Variants in ELP3 observed in about 807,000 individuals in gnomAD.
The protein encoded by ELP3 is elongator acetyltransferase complex subunit 3.
In ELP3, 56 loss-of-function variants were observed where a neutral mutation model predicts 74.9. That is an observed-to-expected ratio of 0.75 (90% CI 0.60 to 0.93). ELP3 has a LOEUF of 0.93. Among genes scored for constraint, ELP3 ranks in the 40% least tolerant of loss-of-function variants. The pLI is 0.00. For synonymous variants in ELP3, 222 were observed against 239.8 expected (o/e 0.93, Z 0.68); for missense variants, 573 against 686.5 (o/e 0.83, Z 1.85).
chr8:28,183,327 C>G, intron 14 of ELP3: 1 of 435,202 alleles, frequency 2.3e-6, no homozygotes, highest in East Asian at 7.0e-5. Flanking sequence ...AAATATTTAT[C>G]CTGCCTACAG....
intron 8 of ELP3, among the ~76,000 whole-genome samples, chr8:28,130,388 T>G (rs1812743492): frequency 6.6e-6 from 1 of 152,090 alleles, no homozygotes; most frequent in Non-Finnish European, 1.5e-5. Flanking sequence ...TAGGTGTGAT[T>G]GGTGTTGTGC....
At chr8:28,154,550 T>C (rs1216452182) in intron 10 of ELP3, among the ~76,000 whole-genome samples, 1 of 152,182 alleles carries the variant, frequency 6.6e-6, no homozygotes, top group Non-Finnish European at 1.5e-5. Flanking sequence ...TAATAATTTA[T>C]ATATTTGTGA....
intron 8 of ELP3, among the ~76,000 whole-genome samples, chr8:28,131,387 C>T (rs142214858): frequency 0.011 from 1,686 of 152,282 alleles, 119 homozygotes; most frequent in Admixed American, 0.098. Context: ...TAGTGGCTGT[C>T]ATTTTAAATA....
chr8:28,128,914 A>G (rs1812686202), intron 7 of ELP3, among the ~76,000 whole-genome samples: 1 of 152,250 alleles, frequency 6.6e-6, no homozygotes, highest in Non-Finnish European at 1.5e-5. Flanking sequence ...TGATTTTAGT[A>G]AAAGACAAAA....
intron 14 of ELP3, among the ~76,000 whole-genome samples, chr8:28,178,638 T>TA (rs1329779633): frequency 1.3e-5 from 2 of 152,218 alleles, no homozygotes; most frequent in Non-Finnish European, 2.9e-5. Context: ...TTGGGACACA[T>TA]AAGGACATAT....
chr8:28,119,331 C>T (rs1468549278), intron 7 of ELP3, among the ~76,000 whole-genome samples: 1 of 151,884 alleles, frequency 6.6e-6, no homozygotes, highest in East Asian at 1.9e-4. Flanking sequence ...CATCCACATA[C>T]CCATCACCTA....
At chr8:28,132,165 C>G (rs1055684926) in intron 8 of ELP3, 113 bp from the exon 9 acceptor site, 2 of 1,158,906 alleles carry the variant, frequency 1.7e-6, no homozygotes, top group African/African-American at 3.1e-5. Flanking sequence ...TTACCTGTCT[C>G]AGAGATTGTT....
At chr8:28,175,968 C>T (rs1178228520) in intron 14 of ELP3, among the ~76,000 whole-genome samples, 1 of 151,912 alleles carries the variant, frequency 6.6e-6, no homozygotes, top group Non-Finnish European at 1.5e-5. Context: ...GCATGTGCCA[C>T]CAGGCCTGGC....
chr8:28,165,368 G>A lies in ELP3; in HGVS notation c.1567+3290G>A, dbSNP rs1214147171. Among the ~76,000 whole-genome samples the A allele has an allele frequency of 2.6e-5, 4 of 152,258 alleles. No individual in the cohort carries two copies. The South Asian group carries it at 6.2e-4, about 24-fold the overall frequency. Reference sequence around the variant, plus strand: ...TTGGGTGTTTGCTGATGAAAATGGCGATAGTTTCCCATAGGTAGTTAATCC... The same window carrying A: ...TTGGGTGTTTGCTGATGAAAATGGCAATAGTTTCCCATAGGTAGTTAATCC... On this transcript the variant is annotated intron_variant, in intron 14 of 14. Transcript: ENST00000256398.
chr8:28,159,903 G>C (rs934813948), intron 12 of ELP3, among the ~76,000 whole-genome samples: 1 of 152,196 alleles, frequency 6.6e-6, no homozygotes, highest in East Asian at 1.9e-4. Flanking sequence ...ACGTGATTTT[G>C]AAATTTTACA....
Position 28,137,827 on chromosome 8 carries a change from G to T in ELP3, c.1036G>T (p.Val346Phe). 1.2e-6 allele frequency: 2 copies of T among 1,614,086 alleles called. No individual in the cohort carries two copies. Among genetic ancestry groups the T allele is most frequent in the Non-Finnish European group, 1.7e-6 (2 of 1,179,976 alleles). Residue 346 changes from valine to phenylalanine, a missense_variant, in exon 10 of 15, where the codon GTT (valine) becomes TTT (phenylalanine). Transcript: ENST00000256398. Reference protein sequence around the residue: ...RYKSYSPSDLVELVARILALV... With the variant: ...RYKSYSPSDLFELVARILALV... ...TAAGAGTTACTCTCCTAGTGACCTG[G>T]TTGAATTGGTGGCTCGGATCCTAGC...
At chr8:28,125,597 C>A (rs1015146038) in intron 7 of ELP3, among the ~76,000 whole-genome samples, 1 of 152,034 alleles carries the variant, frequency 6.6e-6, no homozygotes, top group African/African-American at 2.4e-5. Flanking sequence ...CATCAGTGTC[C>A]CCCTGGTTGG....
intron 7 of ELP3, among the ~76,000 whole-genome samples, chr8:28,114,366 A>G (rs961403735): frequency 2.0e-5 from 3 of 152,176 alleles, no homozygotes; most frequent in Admixed American, 2.0e-4. Flanking sequence ...GGTAAGTTAT[A>G]AAGAAAAGAG....
chr8:28,178,330 C>T (rs1485707042), intron 14 of ELP3, among the ~76,000 whole-genome samples: 1 of 152,216 alleles, frequency 6.6e-6, no homozygotes, highest in Non-Finnish European at 1.5e-5. Context: ...CAATAACCAG[C>T]ATCCAAGAAG....
At chr8:28,111,840 G>T (rs527311981) in intron 6 of ELP3, among the ~76,000 whole-genome samples, 7 of 152,218 alleles carry the variant, frequency 4.6e-5, no homozygotes, top group Non-Finnish European at 7.4e-5. Flanking sequence ...TCTTCACCTC[G>T]GGAGGTTCTG....
intron 1 of ELP3, among the ~76,000 whole-genome samples, 187 bp from the exon 2 acceptor site, chr8:28,097,032 C>T (rs1036465792): frequency 1.4e-4 from 21 of 152,010 alleles, no homozygotes; most frequent in African/African-American, 5.1e-4. Flanking sequence ...TATGTAAAGC[C>T]ACGTTTGTTT....
chr8:28,162,477 GC>G (rs779545517), intron 14 of ELP3, among the ~76,000 whole-genome samples: 18 of 152,184 alleles, frequency 1.2e-4, no homozygotes, highest in Non-Finnish European at 2.4e-4. Flanking sequence ...AACCTCAGTT[GC>G]CAGTACGAGC....
At chr8:28,164,633 G>C (rs1430462982) in intron 14 of ELP3, among the ~76,000 whole-genome samples, 2 of 152,046 alleles carry the variant, frequency 1.3e-5, no homozygotes, top group Admixed American at 6.6e-5. Flanking sequence ...CTTTCTGTTT[G>C]ACTTAAGCTC....
Position 28,168,432 on chromosome 8 carries a change from GAC to G in ELP3, c.1567+6358_1567+6359del, listed in dbSNP as rs372801020. Reference sequence around the variant, plus strand: ...CTTGAAGTCCAGCCTTGCCAGTGTAGACACAACAGCACATTTGTAGACTTTTT... The same window carrying G: ...CTTGAAGTCCAGCCTTGCCAGTGTAGACAACAGCACATTTGTAGACTTTTT... On this transcript the variant is annotated intron_variant, in intron 14 of 14. Coordinates refer to ENST00000256398, the MANE Select transcript of ELP3 (RefSeq NM_018091.6). 4.0e-3 allele frequency among the ~76,000 whole-genome samples: 612 copies of G among 152,278 alleles called. 3 individuals are homozygous for G. The highest frequency in any genetic ancestry group is 0.014 in the African/African-American group (566 of 41,558).
Sources: gnomAD v4.1 joint callset for allele counts (sites outside exome capture counted in the v4.1 genomes callset) on GRCh38, gnomAD v4.1.1 for gene constraint, MANE v1.5 for transcripts, NCBI Gene and HGNC (gene_info 2026-07-23, HGNC 2026-07-21) for gene names.